The following CNTNAP5 variants were observed in gnomAD, a reference collection of about 807,000 sequenced individuals.
The protein encoded by CNTNAP5 is contactin-associated protein-like 5.
CNTNAP5 carries 72 observed loss-of-function variants against 150.2 expected under a neutral mutation model. That is an observed-to-expected ratio of 0.48 (90% confidence interval 0.40 to 0.58). The LOEUF (loss-of-function observed/expected upper bound fraction) is 0.58. Ranked by LOEUF, CNTNAP5 falls within the 20% of genes least tolerant of loss-of-function variation. The pLI is 0.00. For missense variants in CNTNAP5, 1,636 were observed against 1,626.2 expected, an observed-to-expected ratio of 1.01 and a Z score of -0.10; for synonymous variants, 672 against 619.8, an observed-to-expected ratio of 1.08 and a Z score of -1.25.
chr2:124,645,676 G>A (rs924073302), intron 12 of CNTNAP5, among the ~76,000 whole-genome samples: 1 of 152,202 alleles, frequency 6.6e-6, no homozygotes, highest in Admixed American at 6.5e-5. Context: ...TTTGAGCACA[G>A]TTTAATTTTT....
chr2:124,850,791 TA>T (rs1683138545), intron 19 of CNTNAP5, among the ~76,000 whole-genome samples: 1 of 151,934 alleles, frequency 6.6e-6, no homozygotes, highest in Non-Finnish European at 1.5e-5. Context: ...AGAAAAATAT[TA>T]GGAAATTGAA....
chr2:124,319,316 T>A (rs1211719443), intron 3 of CNTNAP5, among the ~76,000 whole-genome samples: 1 of 152,026 alleles, frequency 6.6e-6, no homozygotes, highest in Non-Finnish European at 1.5e-5. Flanking sequence ...AAAAAAAAAA[T>A]GTATGTAAAC....
chr2:124,837,663 G>A (rs939751525), intron 19 of CNTNAP5, among the ~76,000 whole-genome samples: 5 of 152,014 alleles, frequency 3.3e-5, no homozygotes, highest in African/African-American at 9.7e-5. Context: ...GATATTTTAG[G>A]CACAGTTGTT....
chr2:124,836,887 A>T (rs1469931041), intron 19 of CNTNAP5, among the ~76,000 whole-genome samples: 1 of 152,102 alleles, frequency 6.6e-6, no homozygotes, highest in Non-Finnish European at 1.5e-5. Context: ...CACTTTGCAA[A>T]TATGAATTGC....
intron 3 of CNTNAP5, among the ~76,000 whole-genome samples, chr2:124,281,780 G>A (rs1238582857): frequency 2.0e-5 from 3 of 152,092 alleles, no homozygotes; most frequent in South Asian, 2.1e-4. Context: ...TACGGAAGCC[G>A]GATGGGACCT....
At chr2:124,307,066 G>A (rs1688711659) in intron 3 of CNTNAP5, among the ~76,000 whole-genome samples, 1 of 151,932 alleles carries the variant, frequency 6.6e-6, no homozygotes, top group Admixed American at 6.6e-5. Context: ...GTGGAGGCAG[G>A]GATGAAGAAG....
chr2:124,043,629 T>G (rs1681449226), intron 1 of CNTNAP5, among the ~76,000 whole-genome samples: 1 of 152,206 alleles, frequency 6.6e-6, no homozygotes, highest in African/African-American at 2.4e-5. Context: ...AAATATGATG[T>G]CTGGAATAGA....
At chr2:124,905,131 T>TG (rs1456937634) in intron 22 of CNTNAP5, among the ~76,000 whole-genome samples, 3 of 147,578 alleles carry the variant, frequency 2.0e-5, no homozygotes, top group South Asian at 2.1e-4. Context: ...TTTTTGTTTT[T>TG]TTTTTTTTCC....
chr2:124,100,603 C>T (rs7592261), intron 1 of CNTNAP5, among the ~76,000 whole-genome samples: 20,574 of 152,000 alleles, frequency 0.14, 1,496 homozygotes, highest in Middle Eastern at 0.23. Context: ...CAGTGGCTCA[C>T]GCTCATAATT....
chr2:124,807,672 C>T (rs1682109170), intron 19 of CNTNAP5, among the ~76,000 whole-genome samples: 1 of 152,138 alleles, frequency 6.6e-6, no homozygotes, highest in African/African-American at 2.4e-5. Flanking sequence ...AACTCTTCTG[C>T]TTTGTTCTCT....
At chr2:124,155,361 C>G (rs1249329024) in intron 1 of CNTNAP5, among the ~76,000 whole-genome samples, 2 of 152,084 alleles carry the variant, frequency 1.3e-5, no homozygotes, top group Admixed American at 1.3e-4. Flanking sequence ...TACCACTTTT[C>G]TCCTGTGGAA....
chr2:124,709,710 TAA>T (rs1679766837), intron 13 of CNTNAP5, among the ~76,000 whole-genome samples: 1 of 152,138 alleles, frequency 6.6e-6, no homozygotes, highest in Admixed American at 6.5e-5. Context: ...TAATCAATAG[TAA>T]AGTGCACATC....
Position 124,589,374 on chromosome 2 carries a change from G to T in CNTNAP5, c.1757-20427G>T, listed in dbSNP as rs547090194. ...GTAGCATGTCTCATTCCTTTTCACT[G>T]CCTAGTAATATTTCATGGTATGGAA... On this transcript the variant is annotated intron_variant, in intron 11 of 23. Coordinates refer to ENST00000682447, the MANE Select transcript of CNTNAP5 (RefSeq NM_001367498.1). 1.4e-3 allele frequency among the ~76,000 whole-genome samples: 206 copies of T among 152,160 alleles called. 1 individual carries two copies. The highest frequency in any genetic ancestry group is 6.8e-3 in the Middle Eastern group (2 of 294).
chr2:124,738,941 G>A (rs1199491073), intron 13 of CNTNAP5, among the ~76,000 whole-genome samples: 1 of 152,062 alleles, frequency 6.6e-6, no homozygotes, highest in African/African-American at 2.4e-5. Context: ...ATAAACAAAA[G>A]TATTTTTATA....
intron 1 of CNTNAP5, among the ~76,000 whole-genome samples, chr2:124,140,253 G>C (rs1339833867): frequency 1.3e-5 from 2 of 150,844 alleles, no homozygotes; most frequent in African/African-American, 2.4e-5. Context: ...GGTAAACAAA[G>C]CAGCCGGGAA....
intron 4 of CNTNAP5, among the ~76,000 whole-genome samples, chr2:124,424,066 G>A (rs1478494274): frequency 6.6e-6 from 1 of 152,126 alleles, no homozygotes; most frequent in East Asian, 1.9e-4. Flanking sequence ...TGTACTTCAG[G>A]TCGCCTCTGT....
chr2:124,311,365 A>G (rs1688826201), intron 3 of CNTNAP5, among the ~76,000 whole-genome samples: 1 of 152,220 alleles, frequency 6.6e-6, no homozygotes, highest in East Asian at 1.9e-4. Flanking sequence ...CCGCCTTCTC[A>G]TGGAGTCCTC....
At chr2:124,364,654 A>G (rs745934166) in intron 3 of CNTNAP5, among the ~76,000 whole-genome samples, 1 of 152,258 alleles carries the variant, frequency 6.6e-6, no homozygotes, top group Non-Finnish European at 1.5e-5. Flanking sequence ...GAACACATTT[A>G]GTGATTCTTT....
intron 10 of CNTNAP5, among the ~76,000 whole-genome samples, chr2:124,560,019 A>G (rs1695851891): frequency 6.6e-6 from 1 of 152,174 alleles, no homozygotes; most frequent in Non-Finnish European, 1.5e-5. Context: ...GACCATAGAC[A>G]AATGAGTTTC....
Sources: allele counts gnomAD v4.1 joint callset (sites outside exome capture counted in the v4.1 genomes callset), GRCh38; gene constraint gnomAD v4.1.1; transcripts MANE v1.5; gene names NCBI Gene and HGNC (gene_info 2026-07-23, HGNC 2026-07-21).